Variants in CENPP observed in about 807,000 individuals in gnomAD.
The protein encoded by CENPP is centromere protein P.
A neutral mutation model predicts 35.6 loss-of-function variants in CENPP; 24 were observed. The observed-to-expected ratio is 0.67, with a 90% CI of 0.49 to 0.95. The LOEUF (loss-of-function observed/expected upper bound fraction) is 0.95, where lower values mean the gene tolerates loss of function less well. Among genes scored for constraint, CENPP ranks in the 40% least tolerant of loss-of-function variants. The pLI, the probability that CENPP is intolerant of heterozygous loss-of-function variation, is 0.00. For missense variants in CENPP, 332 were observed against 345.3 expected (o/e 0.96, Z 0.31); for synonymous variants, 120 against 125.5 (o/e 0.96, Z 0.29).
chr9:92,562,920 C>T (rs2131343759), intron 5 of CENPP, among the ~76,000 whole-genome samples: 1 of 152,276 alleles, frequency 6.6e-6, no homozygotes, highest in Middle Eastern at 3.4e-3. Flanking sequence ...TCCACAGCCT[C>T]ATTTTTTCCC....
intron 5 of CENPP, among the ~76,000 whole-genome samples, chr9:92,490,806 A>G (rs1846156057): frequency 6.6e-6 from 1 of 152,268 alleles, no homozygotes; most frequent in South Asian, 2.1e-4. Flanking sequence ...GGTCCTTGTC[A>G]GAAATGTTAA....
rs1368426791 is a variant in CENPP at position 92,399,947 on chromosome 9, T to C, written c.564+20088T>C. 3.9e-5 allele frequency among the ~76,000 whole-genome samples: 6 copies of C among 152,346 alleles called. No homozygotes were observed. In the East Asian group the frequency reaches 1.2e-3, roughly 29 times the overall value. Reference sequence around the variant, plus strand: ...GTGTAGTACATCTGATTCCTACATATACTTGTTACTGTTTACTGTTTCCCT... The same window carrying C: ...GTGTAGTACATCTGATTCCTACATACACTTGTTACTGTTTACTGTTTCCCT... On this transcript the variant is annotated intron_variant, in intron 5 of 7. Coordinates refer to ENST00000375587, the MANE Select transcript of CENPP (RefSeq NM_001012267.3).
At position 92,482,981 on chromosome 9, in the gene CENPP, T is replaced by C. The variant is rs12378430; in HGVS notation, c.564+103122T>C. Among the ~76,000 whole-genome samples the C allele has an allele frequency of 9.4e-3, 1,428 of 152,178 alleles. 17 individuals carry two copies. Among genetic ancestry groups the C allele is most frequent in the Non-Finnish European group, 0.015 (987 of 68,012 alleles). Reference sequence around the variant, plus strand: ...AAACTATGGATGAGGCTCCATGAACTGCTCCCTGGACTCAACATATGTGAT... The same window carrying C: ...AAACTATGGATGAGGCTCCATGAACCGCTCCCTGGACTCAACATATGTGAT... On this transcript the variant is annotated intron_variant, in intron 5 of 7. Transcript: ENST00000375587.
At chr9:92,487,811 G>A (rs187839707) in intron 5 of CENPP, among the ~76,000 whole-genome samples, 1 of 152,210 alleles carries the variant, frequency 6.6e-6, no homozygotes, top group East Asian at 1.9e-4. Flanking sequence ...CTCCAGCCTG[G>A]GTGACAAAGC....
At chr9:92,364,412 A>G (rs1349134593) in intron 4 of CENPP, among the ~76,000 whole-genome samples, 1 of 152,002 alleles carries the variant, frequency 6.6e-6, no homozygotes, top group East Asian at 1.9e-4. Flanking sequence ...TTTGGTTTTG[A>G]AAGATATCAT....
At chr9:92,466,424 G>A (rs1845314638) in intron 5 of CENPP, 6 of 1,610,344 alleles carry the variant, frequency 3.7e-6, no homozygotes, top group Non-Finnish European at 5.1e-6. Flanking sequence ...TTATTTTCAT[G>A]AATTCTGAGT....
chr9:92,468,713 C>T (rs980770565), intron 5 of CENPP, among the ~76,000 whole-genome samples: 1 of 152,168 alleles, frequency 6.6e-6, no homozygotes, highest in African/African-American at 2.4e-5. Flanking sequence ...AAAGCATGTA[C>T]TTTAAAAAGT....
At chr9:92,537,485 C>A (rs948698848) in intron 5 of CENPP, among the ~76,000 whole-genome samples, 4 of 151,968 alleles carry the variant, frequency 2.6e-5, no homozygotes, top group African/African-American at 4.8e-5. Flanking sequence ...ACATGTGAAA[C>A]CCCGTCTCTA....
intron 5 of CENPP, chr9:92,417,652 A>T: frequency 1.3e-6 from 1 of 786,386 alleles, no homozygotes; most frequent in East Asian, 2.7e-5. Flanking sequence ...TCTCAGTTAT[A>T]TGAAATGTAT....
chr9:92,416,122 C>T (rs1843605004), intron 5 of CENPP, among the ~76,000 whole-genome samples: 1 of 137,718 alleles, frequency 7.3e-6, no homozygotes, highest in Non-Finnish European at 1.5e-5. Context: ...TTTTTTAAGA[C>T]AGAGTTTTGC....
intron 6 of CENPP, among the ~76,000 whole-genome samples, chr9:92,611,974 T>C (rs1239398674): frequency 2.6e-5 from 4 of 152,234 alleles, no homozygotes; most frequent in East Asian, 1.9e-4. Context: ...GACTTGCCTT[T>C]GTCACCGTTC....
chr9:92,598,472 A>C (rs1262922798), intron 5 of CENPP, among the ~76,000 whole-genome samples: 1 of 152,170 alleles, frequency 6.6e-6, no homozygotes, highest in Admixed American at 6.5e-5. Context: ...GAGAAATTAC[A>C]TGGGGAAATA....
In CENPP at chr9:92,618,120, G is replaced by A. The variant is rs1159482364; in HGVS notation, c.*4971G>A. On this transcript the variant is annotated 3_prime_UTR_variant, in exon 8 of 8. Transcript: ENST00000375587. The stretch of plus-strand genomic sequence containing the variant: ...GGAACTTCACAGGTGCGGCCACTGC[G>A]CACACCTTCCTGGAAGCAGGCCCAG... The A allele has an allele frequency of 7.3e-6, 3 of 413,142 alleles. No individual in the cohort carries two copies. Among genetic ancestry groups the A allele is most frequent in the South Asian group, 3.4e-5 (2 of 59,122 alleles). The allele number at this position is 413,142 out of a possible 1,614,324, so 25.6% of individuals were successfully genotyped here.
Position 92,593,188 on chromosome 9 carries a change from T to G in CENPP, c.565-18126T>G, listed in dbSNP as rs1409239504. The stretch of plus-strand genomic sequence containing the variant: ...CACACTGTGTGTAAGATGCTGAGAG[T>G]GCTGTGATGAGGTGAGCCAGCTCCT... On this transcript the variant is annotated intron_variant, in intron 5 of 7. Transcript: ENST00000375587. The surrounding 1 kb of genome is among the most constrained non-coding windows in gnomAD (Gnocchi z 4.1). 1.3e-5 allele frequency among the ~76,000 whole-genome samples: 2 copies of G among 151,984 alleles called. No individual in the cohort carries two copies. Among genetic ancestry groups the G allele is most frequent in the Non-Finnish European group, 2.9e-5 (2 of 67,984 alleles).
chr9:92,342,063 T>C (rs188513810), intron 3 of CENPP, among the ~76,000 whole-genome samples: 24 of 152,374 alleles, frequency 1.6e-4, no homozygotes, highest in East Asian at 1.3e-3. Flanking sequence ...AATCAGGTTC[T>C]ACCATCAGCC....
intron 5 of CENPP, among the ~76,000 whole-genome samples, chr9:92,485,562 C>G (rs1198797693): frequency 1.3e-5 from 2 of 152,172 alleles, no homozygotes; most frequent in African/African-American, 2.4e-5. Flanking sequence ...AATCTAAGCT[C>G]TCGTATGATT....
intron 5 of CENPP, among the ~76,000 whole-genome samples, chr9:92,597,925 G>A (rs1355964518): frequency 6.6e-6 from 1 of 152,204 alleles, no homozygotes; most frequent in East Asian, 1.9e-4. Context: ...TTTCTAAGGT[G>A]TATAAATTAC....
chr9:92,416,297 A>G (rs1020402843), intron 5 of CENPP, among the ~76,000 whole-genome samples: 2 of 151,514 alleles, frequency 1.3e-5, no homozygotes, highest in African/African-American at 2.4e-5. Context: ...ATGGGACTTC[A>G]CTATATTGAC....
chr9:92,546,569 C>T (rs1040441423), intron 5 of CENPP, among the ~76,000 whole-genome samples: 2 of 152,062 alleles, frequency 1.3e-5, no homozygotes, highest in East Asian at 1.9e-4. Flanking sequence ...ACTCCTGAGC[C>T]AGCGAGACCA....
Sources: allele counts gnomAD v4.1 joint callset (sites outside exome capture counted in the v4.1 genomes callset), GRCh38; gene constraint gnomAD v4.1.1; non-coding constraint Gnocchi (gnomAD v3.1); transcripts MANE v1.5; gene names NCBI Gene and HGNC (gene_info 2026-07-23, HGNC 2026-07-21).